Variants in ARHGAP24 observed in about 807,000 individuals in gnomAD.
ARHGAP24 encodes the protein Rho GTPase activating protein 24.
A neutral mutation model predicts 76.4 loss-of-function variants in ARHGAP24; 50 were observed. The ratio of observed to expected loss-of-function variants is 0.65; its 90% CI spans 0.52 to 0.83. The LOEUF is 0.83. Among genes scored for constraint, ARHGAP24 ranks in the 40% least tolerant of loss-of-function variants. The probability of loss-of-function intolerance (pLI) is 0.00; values close to 1 mark genes in which losing one functional copy is unlikely to be tolerated. For synonymous variants in ARHGAP24, 345 were observed against 323.3 expected, an observed-to-expected ratio of 1.07 and a Z score of -0.72; for missense variants, 930 against 914.2, an observed-to-expected ratio of 1.02 and a Z score of -0.22.
intron 2 of ARHGAP24, among the ~76,000 whole-genome samples, chr4:85,582,206 G>A (rs1373002286): frequency 6.6e-6 from 1 of 152,058 alleles, no homozygotes; most frequent in African/African-American, 2.4e-5. Flanking sequence ...TTCAACCTAT[G>A]AGAAGATTTG....
At chr4:85,760,944 C>A (rs1401076961) in intron 3 of ARHGAP24, among the ~76,000 whole-genome samples, 3 of 152,164 alleles carry the variant, frequency 2.0e-5, no homozygotes, top group Non-Finnish European at 4.4e-5. Context: ...AACTACCTGA[C>A]ACTGCTGGTT....
intron 2 of ARHGAP24, among the ~76,000 whole-genome samples, chr4:85,590,297 C>T (rs1485666295): frequency 6.8e-6 from 1 of 146,584 alleles, no homozygotes; most frequent in Non-Finnish European, 1.5e-5. Flanking sequence ...TCCTTCTTTC[C>T]TTCCCTTCCC....
intron 2 of ARHGAP24, among the ~76,000 whole-genome samples, chr4:85,695,522 T>G (rs1486007069): frequency 6.6e-6 from 1 of 152,188 alleles, no homozygotes; most frequent in African/African-American, 2.4e-5. Flanking sequence ...ACTAGCAACC[T>G]TCTATTTTGA....
intron 1 of ARHGAP24, among the ~76,000 whole-genome samples, chr4:85,480,694 C>T (rs1722780805): frequency 6.6e-6 from 1 of 151,866 alleles, no homozygotes; most frequent in Non-Finnish European, 1.5e-5. Flanking sequence ...TTTATAATCC[C>T]TGATAGATAA....
chr4:85,905,214 G>T (rs6531881), intron 3 of ARHGAP24, among the ~76,000 whole-genome samples: 16,795 of 152,096 alleles, frequency 0.11, 973 homozygotes, highest in South Asian at 0.13. Flanking sequence ...GCAAAGTAGT[G>T]TTTGTTTTAC....
At chr4:85,918,693 CTA>C (rs994398310) in intron 3 of ARHGAP24, among the ~76,000 whole-genome samples, 1 of 152,052 alleles carries the variant, frequency 6.6e-6, no homozygotes, top group African/African-American at 2.4e-5. Context: ...TTAAGAGAAT[CTA>C]TTTTATTTTT....
At chr4:85,593,217 C>A (rs1306414218) in intron 2 of ARHGAP24, among the ~76,000 whole-genome samples, 2 of 152,036 alleles carry the variant, frequency 1.3e-5, no homozygotes, top group African/African-American at 4.8e-5. Context: ...ATGTTGAGCA[C>A]CTTTTCATAT....
At chr4:85,948,781 C>T (rs1287585048) in intron 5 of ARHGAP24, among the ~76,000 whole-genome samples, 2 of 152,122 alleles carry the variant, frequency 1.3e-5, no homozygotes, top group Admixed American at 1.3e-4. Context: ...TATACTCATA[C>T]CCATCATTTG....
chr4:85,776,336 C>A (rs565764662), intron 3 of ARHGAP24, among the ~76,000 whole-genome samples: 34 of 152,294 alleles, frequency 2.2e-4, no homozygotes, highest in Middle Eastern at 3.4e-3. Context: ...CAGGGCAAAT[C>A]TTCAAAATAC....
intron 2 of ARHGAP24, among the ~76,000 whole-genome samples, chr4:85,596,730 A>T (rs981535437): frequency 2.6e-5 from 4 of 152,082 alleles, no homozygotes; most frequent in African/African-American, 9.7e-5. Flanking sequence ...AAACAGTTCA[A>T]CATAATATCC....
chr4:85,850,429 T>A lies in ARHGAP24; in HGVS notation c.269-73219T>A, dbSNP rs368341530. 1.3e-4 allele frequency among the ~76,000 whole-genome samples: 20 copies of A among 152,178 alleles called. No individual in the cohort carries two copies. In the East Asian group the frequency reaches 3.9e-3, roughly 29 times the overall value. ...TGGATTCATTGATTTTTTTGAAGGGTTTTTTGTGTCTCTATCTCCTTCAGT... is the reference window on the plus strand; with the variant it reads ...TGGATTCATTGATTTTTTTGAAGGGATTTTTGTGTCTCTATCTCCTTCAGT... On this transcript the variant is annotated intron_variant, in intron 3 of 9. Coordinates refer to ENST00000395184, the MANE Select transcript of ARHGAP24 (RefSeq NM_001025616.3).
chr4:85,781,401 A>C (rs1049550010), intron 3 of ARHGAP24, among the ~76,000 whole-genome samples: 4 of 152,138 alleles, frequency 2.6e-5, no homozygotes, highest in African/African-American at 7.2e-5. Context: ...CTCACTCTAC[A>C]AAAGAAAAAA....
At chr4:85,580,137 G>A (rs1004501746) in intron 2 of ARHGAP24, among the ~76,000 whole-genome samples, 2 of 146,554 alleles carry the variant, frequency 1.4e-5, no homozygotes, top group African/African-American at 4.9e-5. Flanking sequence ...TGTGTGTGGT[G>A]GGGGGGGAGG....
At chr4:85,605,849 T>C (rs1720175714) in intron 2 of ARHGAP24, among the ~76,000 whole-genome samples, 1 of 152,184 alleles carries the variant, frequency 6.6e-6, no homozygotes, top group African/African-American at 2.4e-5. Context: ...AACAAAAAAG[T>C]ACATCTCAGT....
chr4:85,849,213 T>A (rs1441845567), intron 3 of ARHGAP24, among the ~76,000 whole-genome samples: 4 of 149,960 alleles, frequency 2.7e-5, no homozygotes, highest in African/African-American at 9.8e-5. Flanking sequence ...GAAGCAATTG[T>A]GAATGAGAGT....
At chr4:85,946,176 C>A (rs1310880735) in intron 5 of ARHGAP24, among the ~76,000 whole-genome samples, 1 of 152,186 alleles carries the variant, frequency 6.6e-6, no homozygotes, top group Non-Finnish European at 1.5e-5. Context: ...CCACCTCCCA[C>A]CAGGGTCCTC....
intron 5 of ARHGAP24, among the ~76,000 whole-genome samples, chr4:85,946,978 G>A (rs1010610827): frequency 6.6e-6 from 1 of 151,966 alleles, no homozygotes; most frequent in African/African-American, 2.4e-5. Flanking sequence ...TTTCTCCTTG[G>A]CCTCACCAAC....
rs60874860 is a variant in ARHGAP24 at position 85,688,016 on chromosome 4, T to A, written c.181-33869T>A. Among the ~76,000 whole-genome samples, 767 of 152,278 alleles carry A rather than the reference T, an allele frequency of 5.0e-3. 7 individuals are homozygous for A. Among genetic ancestry groups the A allele is most frequent in the African/African-American group, 0.017 (719 of 41,558 alleles). ...TTAGTAGAGATGGGGTTTCACCATG[T>A]TGGCCAGGCTGATCTCGAACTCCTG... On this transcript the variant is annotated intron_variant, in intron 2 of 9. Transcript: ENST00000395184.
intron 2 of ARHGAP24, among the ~76,000 whole-genome samples, chr4:85,670,014 G>T (rs59598716): frequency 0.027 from 4,148 of 152,010 alleles, 180 homozygotes; most frequent in African/African-American, 0.095. Context: ...GGAGAGAGGG[G>T]TGTGAGCTGT....
Sources: gnomAD v4.1 joint callset for allele counts (sites outside exome capture counted in the v4.1 genomes callset) on GRCh38, gnomAD v4.1.1 for gene constraint, MANE v1.5 for transcripts, NCBI Gene and HGNC (gene_info 2026-07-23, HGNC 2026-07-21) for gene names.